The following ZMYM2 variants were observed in gnomAD, a reference collection of about 807,000 sequenced individuals.
ZMYM2 encodes zinc finger MYM-type containing 2, also known as zinc finger MYM-type protein 2.
In ZMYM2, 56 loss-of-function variants were observed where a neutral mutation model predicts 162.8. The ratio of observed to expected loss-of-function variants is 0.34; its 90% CI spans 0.28 to 0.43. ZMYM2 has a LOEUF of 0.43. Among genes scored for constraint, ZMYM2 ranks in the 20% least tolerant of loss-of-function variants. The pLI is 1.00. For synonymous variants in ZMYM2, 510 were observed against 541.6 expected, an observed-to-expected ratio of 0.94 and a Z score of 0.81; for missense variants, 1,275 against 1,621.8, an observed-to-expected ratio of 0.79 and a Z score of 3.67.
At chr13:20,001,355 G>A (rs1950371511) in intron 3 of ZMYM2, among the ~76,000 whole-genome samples, 1 of 149,124 alleles carries the variant, frequency 6.7e-6, no homozygotes, top group African/African-American at 2.5e-5. Flanking sequence ...CTGCTCCACT[G>A]CTCTCCAGCC....
At chr13:19,962,515 ATTTTTT>A (rs1166788980) in intron 2 of ZMYM2, among the ~76,000 whole-genome samples, 2 of 38,914 alleles carry the variant, frequency 5.1e-5, no homozygotes, top group African/African-American at 1.3e-4. Flanking sequence ...ATATATATAT[ATTTTTT>A]TTTTTTTTTT....
chr13:20,059,714 C>T (rs180853590), intron 16 of ZMYM2, among the ~76,000 whole-genome samples, 152 bp downstream of exon 16: 1 of 151,902 alleles, frequency 6.6e-6, no homozygotes, highest in Non-Finnish European at 1.5e-5. Context: ...ATATGGGCGG[C>T]CCTCTATATT....
rs185152306 is a variant in ZMYM2, at chr13:20,045,589, C to T, written c.2293-5844C>T. Reference sequence around the variant, plus strand: ...TGCAATGCTTGATGTTAGTTTAGCACATACAAGTGCACTTTTATACCCATT... The same window carrying T: ...TGCAATGCTTGATGTTAGTTTAGCATATACAAGTGCACTTTTATACCCATT... On this transcript the variant is annotated intron_variant, in intron 12 of 24. Coordinates refer to ENST00000610343, the MANE Select transcript of ZMYM2 (RefSeq NM_197968.4). 1.4e-4 allele frequency among the ~76,000 whole-genome samples: 22 copies of T among 152,278 alleles called. No homozygotes were observed. The East Asian group carries it at 4.1e-3, about 28-fold the overall frequency.
intron 2 of ZMYM2, chr13:19,970,101 A>G (rs774703777): frequency 6.1e-5 from 60 of 981,390 alleles, no homozygotes; most frequent in Non-Finnish European, 6.8e-5. Flanking sequence ...CCTCTACTCC[A>G]TCTGTTTAAA....
At chr13:20,085,058 C>G (rs547971090) in intron 24 of ZMYM2, among the ~76,000 whole-genome samples, 14 of 152,252 alleles carry the variant, frequency 9.2e-5, no homozygotes, top group African/African-American at 2.6e-4. Flanking sequence ...TCATATACAC[C>G]TTATACATGT....
rs1219647115 is a variant in ZMYM2 at position 20,080,144 on chromosome 13, G to A, written c.3454-1872G>A. Among the ~76,000 whole-genome samples the A allele has an allele frequency of 3.3e-5, 5 of 152,176 alleles. No individual in the cohort carries two copies. The East Asian group carries it at 9.6e-4, about 29-fold the overall frequency. On this transcript the variant is annotated intron_variant, in intron 21 of 24. Coordinates refer to ENST00000610343, the MANE Select transcript of ZMYM2 (RefSeq NM_197968.4). ...TAGTTTAGGAAATGCTATTTTTAGA[G>A]CATCAACCCTTTAACTAACCCAAAA...
At chr13:20,035,275 T>C (rs1261761075) in intron 11 of ZMYM2, among the ~76,000 whole-genome samples, 2 of 152,196 alleles carry the variant, frequency 1.3e-5, no homozygotes, top group Admixed American at 6.5e-5. Context: ...TATCAGTTCG[T>C]TCAACTAGTG....
chr13:19,939,688 G>T, the ZMYM2 span, among the ~76,000 whole-genome samples: 1 of 152,128 alleles, frequency 6.6e-6, no homozygotes, highest in Admixed American at 6.5e-5. Context: ...ATAATTACAA[G>T]TTAGGAAATA....
chr13:19,882,283 A>G, the ZMYM2 span, among the ~76,000 whole-genome samples: 7 of 152,180 alleles, frequency 4.6e-5, no homozygotes, highest in Non-Finnish European at 8.8e-5. Context: ...GTATCTGATA[A>G]AGTTTAGTAT....
chr13:19,968,794 T>C (rs887130554), intron 2 of ZMYM2, among the ~76,000 whole-genome samples: 1 of 152,108 alleles, frequency 6.6e-6, no homozygotes, highest in African/African-American at 2.4e-5. Context: ...TGAAACAAAA[T>C]AAAAATTAAG....
At chr13:19,995,170 T>TA (rs1949925069) in intron 3 of ZMYM2, among the ~76,000 whole-genome samples, 1 of 152,026 alleles carries the variant, frequency 6.6e-6, no homozygotes, top group African/African-American at 2.4e-5. Context: ...AAGAGTTGGC[T>TA]AAGGTTTTAT....
chr13:20,033,459 A>G (rs1475593424), intron 10 of ZMYM2, among the ~76,000 whole-genome samples: 1 of 152,156 alleles, frequency 6.6e-6, no homozygotes, highest in East Asian at 1.9e-4. Context: ...TCTATAAATT[A>G]CATAGTCATA....
At chr13:19,871,405 T>C in the ZMYM2 span, among the ~76,000 whole-genome samples, 24 of 152,140 alleles carry the variant, frequency 1.6e-4, no homozygotes, top group Non-Finnish European at 2.9e-4. Context: ...AGGGTTTTGT[T>C]TTTATTTTAT....
chr13:19,951,096 TC>T, the ZMYM2 span, among the ~76,000 whole-genome samples: 3 of 152,204 alleles, frequency 2.0e-5, no homozygotes, highest in South Asian at 4.1e-4. Context: ...CAATAATTCT[TC>T]CAGTGTGGGC....
chr13:20,006,231 T>TA lies in ZMYM2; in HGVS notation c.1300-143_1300-142insA. ...CTGGGTAATGAGTGAGACCCTGTCT[T>TA]TAAAAAAAAAAAAAAAATTTTTTTT... is the stretch of plus-strand genomic sequence containing the variant. On this transcript the variant is annotated intron_variant, in intron 5 of 24. Coordinates refer to ENST00000610343, the MANE Select transcript of ZMYM2 (RefSeq NM_197968.4). The TA allele has an allele frequency of 4.0e-6, 3 of 741,936 alleles. No individual in the cohort carries two copies. The South Asian group carries it at 6.5e-5, about 16-fold the overall frequency. The allele number at this position is 741,936 out of a possible 1,614,324, so 46.0% of individuals were successfully genotyped here.
Position 20,051,565 on chromosome 13 carries a change from A to G in ZMYM2, c.2425A>G (p.Thr809Ala), listed in dbSNP as rs1313731355. Reference sequence around the variant, plus strand: ...CTGTCAACAAAATGAGCCCAACATGACAACTCAGAAAGGACCTGAAAACTT... The same window carrying G: ...CTGTCAACAAAATGAGCCCAACATGGCAACTCAGAAAGGACCTGAAAACTT... ...FYCQQNEPNMTTQKGPENLHY... is the reference protein window; with the variant it reads ...FYCQQNEPNMATQKGPENLHY... Residue 809 changes from threonine (T) to alanine (A), a missense_variant, in exon 13 of 25, where the codon ACA (threonine) becomes GCA (alanine). Around this residue, in one of 10 missense-constraint regions of ZMYM2, gnomAD observed 177 missense variants for 228.0 expected, o/e 0.78. Coordinates refer to ENST00000610343, the MANE Select transcript of ZMYM2 (RefSeq NM_197968.4). 1 of 1,613,108 alleles carries G rather than the reference A, an allele frequency of 6.2e-7. No homozygotes were observed. Among genetic ancestry groups the G allele is most frequent in the Non-Finnish European group, 8.5e-7 (1 of 1,179,426 alleles).
chr13:19,965,583 T>C (rs889198270), intron 2 of ZMYM2, among the ~76,000 whole-genome samples: 9 of 152,186 alleles, frequency 5.9e-5, no homozygotes, highest in African/African-American at 2.2e-4. Context: ...GCATTTCATC[T>C]AGACTTAGTG....
chr13:20,055,783 T>A (rs1955748097), intron 14 of ZMYM2, among the ~76,000 whole-genome samples: 1 of 151,068 alleles, frequency 6.6e-6, no homozygotes, highest in Non-Finnish European at 1.5e-5. Flanking sequence ...TACGGATTCA[T>A]GAGATTATGA....
chr13:19,917,087 G>C, the ZMYM2 span, among the ~76,000 whole-genome samples: 318 of 151,974 alleles, frequency 2.1e-3, no homozygotes, highest in South Asian at 0.02. Flanking sequence ...TTCAGTCTCC[G>C]GAGTAGCTGG....
Sources: allele counts gnomAD v4.1 joint callset (sites outside exome capture counted in the v4.1 genomes callset), GRCh38; gene constraint gnomAD v4.1.1; regional missense constraint gnomAD v4.1.1; transcripts MANE v1.5; gene names NCBI Gene and HGNC (gene_info 2026-07-23, HGNC 2026-07-21).